Variants in ZFPM2 observed in about 807,000 individuals in gnomAD.
The protein encoded by ZFPM2 is zinc finger protein, FOG family member 2.
A neutral mutation model predicts 98.6 loss-of-function variants in ZFPM2; 20 were observed. The ratio of observed to expected loss-of-function variants is 0.20; its 90% CI spans 0.14 to 0.29. The LOEUF is 0.29. Ranked by LOEUF, ZFPM2 falls within the 10% of genes least tolerant of loss-of-function variation. ZFPM2 has a pLI of 1.00. For missense variants in ZFPM2, 1,310 were observed against 1,388.6 expected, an observed-to-expected ratio of 0.94 and a Z score of 0.90; for synonymous variants, 518 against 502.7, an observed-to-expected ratio of 1.03 and a Z score of -0.41.
At chr8:105,553,756 C>A (rs1814918560) in intron 3 of ZFPM2, among the ~76,000 whole-genome samples, 1 of 152,134 alleles carries the variant, frequency 6.6e-6, no homozygotes, top group Non-Finnish European at 1.5e-5. Flanking sequence ...TCAAAAAGAT[C>A]CCATCTGTTA....
At chr8:105,421,207 A>T (rs1811785569) in intron 2 of ZFPM2, among the ~76,000 whole-genome samples, 1 of 152,108 alleles carries the variant, frequency 6.6e-6, no homozygotes, top group African/African-American at 2.4e-5. Flanking sequence ...ATTAAATTAC[A>T]ATTGTTCTGA....
intron 3 of ZFPM2, among the ~76,000 whole-genome samples, chr8:105,446,791 A>G (rs1165968678): frequency 1.3e-5 from 2 of 152,090 alleles, no homozygotes; most frequent in Admixed American, 6.5e-5. Flanking sequence ...TTTTTTCTCT[A>G]TACACATTTA....
intron 2 of ZFPM2, among the ~76,000 whole-genome samples, chr8:105,443,689 CA>C (rs1489401291): frequency 6.6e-6 from 1 of 152,032 alleles, no homozygotes; most frequent in Admixed American, 6.5e-5. Context: ...TGTATTTATT[CA>C]AGCAAAAATA....
At chr8:105,595,341 G>A (rs1815945724) in intron 4 of ZFPM2, among the ~76,000 whole-genome samples, 1 of 152,014 alleles carries the variant, frequency 6.6e-6, no homozygotes, top group Non-Finnish European at 1.5e-5. Flanking sequence ...TTCAGTGGAG[G>A]AATTACACCC....
At chr8:105,478,096 C>T (rs553581738) in intron 3 of ZFPM2, among the ~76,000 whole-genome samples, 6 of 152,300 alleles carry the variant, frequency 3.9e-5, no homozygotes, top group African/African-American at 1.4e-4. Context: ...TGACATAACT[C>T]TACTTCATTG....
At chr8:105,342,560 G>T (rs1226813321) in intron 1 of ZFPM2, among the ~76,000 whole-genome samples, 1 of 151,684 alleles carries the variant, frequency 6.6e-6, no homozygotes, top group African/African-American at 2.4e-5. Context: ...TTTATCTAAA[G>T]AAAAGAAAAT....
chr8:105,318,956 G>T lies in ZFPM2; in HGVS notation c.15G>T (p.Lys5Asn). The T allele has an allele frequency of 6.8e-7, 1 of 1,471,740 alleles. No homozygotes were observed. Among genetic ancestry groups the T allele is most frequent in the Non-Finnish European group, 9.1e-7 (1 of 1,102,190 alleles). The allele number at this position is 1,471,740 out of a possible 1,614,324, so 91.2% of individuals were successfully genotyped here. ...CCGCCGCCGAGATGTCCCGGCGAAA[G>T]CAAAGCAAACCCCGGCAGATCAAAC... MSRR[K>N]QSKPRQIKRP... is the part of the protein sequence containing the mutation. The change falls in exon 1 of 8, where the codon AAG (lysine) becomes AAT (asparagine). Residue 5 changes from lysine to asparagine, a missense_variant. By Grantham distance (94) the Lys-to-Asn change is moderately conservative. Coordinates refer to ENST00000407775, the MANE Select transcript of ZFPM2 (RefSeq NM_012082.4).
chr8:105,743,260 G>A (rs1405673069), intron 5 of ZFPM2, among the ~76,000 whole-genome samples: 1 of 151,956 alleles, frequency 6.6e-6, no homozygotes, highest in Non-Finnish European at 1.5e-5. Flanking sequence ...GAGTGATAGT[G>A]GAAAGGTTTG....
At chr8:105,768,865 T>C (rs1276728057) in intron 5 of ZFPM2, among the ~76,000 whole-genome samples, 1 of 151,260 alleles carries the variant, frequency 6.6e-6, no homozygotes. Flanking sequence ...ACACACATAC[T>C]ATATAACCTT....
chr8:105,617,829 T>C (rs1225337963), intron 4 of ZFPM2, among the ~76,000 whole-genome samples: 2 of 152,196 alleles, frequency 1.3e-5, no homozygotes, highest in Non-Finnish European at 2.9e-5. Flanking sequence ...CTATTCTATG[T>C]TATAATCATC....
At chr8:105,786,041 C>CAAAA (rs60740995) in intron 5 of ZFPM2, among the ~76,000 whole-genome samples, 19 of 39,824 alleles carry the variant, frequency 4.8e-4, no homozygotes, top group Non-Finnish European at 7.2e-4. Context: ...GACTCCGTCT[C>CAAAA]AAAAAAAAAA....
At chr8:105,648,800 A>G (rs915299512) in intron 5 of ZFPM2, among the ~76,000 whole-genome samples, 46 of 152,052 alleles carry the variant, frequency 3.0e-4, no homozygotes, top group African/African-American at 9.2e-4. Flanking sequence ...ATAGTTTGAA[A>G]TCAGGTAGCA....
At chr8:105,493,992 T>G (rs1439658670) in intron 3 of ZFPM2, among the ~76,000 whole-genome samples, 1 of 151,534 alleles carries the variant, frequency 6.6e-6, no homozygotes, top group East Asian at 2.0e-4. Flanking sequence ...TTCATATTGT[T>G]GGGGTTGGCC....
intron 2 of ZFPM2, among the ~76,000 whole-genome samples, chr8:105,427,372 A>G (rs1026209046): frequency 6.6e-6 from 1 of 152,198 alleles, no homozygotes; most frequent in Non-Finnish European, 1.5e-5. Flanking sequence ...AACATATGAT[A>G]ATATGTACTA....
At chr8:105,371,474 T>G (rs1810620772) in intron 1 of ZFPM2, among the ~76,000 whole-genome samples, 1 of 152,212 alleles carries the variant, frequency 6.6e-6, no homozygotes, top group South Asian at 2.1e-4. Flanking sequence ...GTTTGTAAAC[T>G]TAGTGGAAGG....
chr8:105,725,655 C>T (rs987192854), intron 5 of ZFPM2, among the ~76,000 whole-genome samples: 2 of 151,672 alleles, frequency 1.3e-5, no homozygotes, highest in African/African-American at 2.4e-5. Context: ...TTTAAATCTC[C>T]AGCAGGAAAA....
intron 5 of ZFPM2, among the ~76,000 whole-genome samples, chr8:105,721,450 G>GT (rs1227453057): frequency 6.6e-6 from 1 of 151,796 alleles, no homozygotes; most frequent in Non-Finnish European, 1.5e-5. Context: ...AAAACAGAAA[G>GT]TTTATCTTTT....
chr8:105,640,213 A>G (rs937267072), intron 5 of ZFPM2, among the ~76,000 whole-genome samples: 1 of 152,022 alleles, frequency 6.6e-6, no homozygotes, highest in African/African-American at 2.4e-5. Context: ...CAATTGTACA[A>G]TCAACAAAAT....
At chr8:105,503,706 A>G (rs746717601) in intron 3 of ZFPM2, among the ~76,000 whole-genome samples, 15 of 152,206 alleles carry the variant, frequency 9.9e-5, no homozygotes, top group Non-Finnish European at 1.9e-4. Context: ...CACTATTAGC[A>G]CATAGTTCCA....
Sources: allele counts gnomAD v4.1 joint callset (sites outside exome capture counted in the v4.1 genomes callset), GRCh38; gene constraint gnomAD v4.1.1; transcripts MANE v1.5; gene names NCBI Gene and HGNC (gene_info 2026-07-23, HGNC 2026-07-21).